PTPRD: variants seen among roughly 807,000 people sequenced by gnomAD.
PTPRD encodes protein tyrosine phosphatase receptor type D, also known as receptor-type tyrosine-protein phosphatase delta.
In PTPRD, 34 loss-of-function variants were observed where a neutral mutation model predicts 214.5. The ratio of observed to expected loss-of-function variants is 0.16; its 90% CI spans 0.12 to 0.21. PTPRD has a LOEUF of 0.21. PTPRD is among the 10% of genes least tolerant of loss of function. The pLI, the probability that PTPRD is intolerant of heterozygous loss-of-function variation, is 1.00. For synonymous variants in PTPRD, 1,128 were observed against 845.7 expected (o/e 1.33, Z -5.79); for missense variants, 2,545 against 2,398.7 (o/e 1.06, Z -1.27).
At chr9:9,821,636 A>T (rs182783313) in intron 5 of PTPRD, among the ~76,000 whole-genome samples, 3 of 152,068 alleles carry the variant, frequency 2.0e-5, no homozygotes, top group Non-Finnish European at 2.9e-5. Flanking sequence ...AAAAATACTG[A>T]TATTGTTGCC....
At chr9:8,684,333 C>G (rs182386973) in intron 12 of PTPRD, among the ~76,000 whole-genome samples, 3 of 152,328 alleles carry the variant, frequency 2.0e-5, no homozygotes, top group Admixed American at 6.5e-5. Context: ...TAAGCCATCT[C>G]TATTTTACAA....
intron 5 of PTPRD, among the ~76,000 whole-genome samples, chr9:9,767,120 T>A (rs2098713258): frequency 6.6e-6 from 1 of 151,632 alleles, no homozygotes; most frequent in East Asian, 1.9e-4. Flanking sequence ...AAATAAACTT[T>A]CCAGGAAAAA....
chr9:9,858,064 T>C (rs2153684163), intron 5 of PTPRD, among the ~76,000 whole-genome samples: 1 of 152,322 alleles, frequency 6.6e-6, no homozygotes, highest in Non-Finnish European at 1.5e-5. Flanking sequence ...TTGATACTCT[T>C]TTCCTTTAAC....
intron 9 of PTPRD, among the ~76,000 whole-genome samples, chr9:9,199,116 C>T (rs984018457): frequency 6.6e-6 from 1 of 152,040 alleles, no homozygotes; most frequent in Non-Finnish European, 1.5e-5. Context: ...ATGATGAGTG[C>T]ACAAGGAGAC....
chr9:8,341,269 CTGT>C lies in PTPRD; in HGVS notation c.4948-4_4948-2del. 1.3e-6 allele frequency: 2 copies of C among 1,570,118 alleles called. No homozygotes were observed. The highest frequency in any genetic ancestry group is 1.7e-6 in the Non-Finnish European group (2 of 1,163,850). Reference sequence around the variant, plus strand: ...TGTGAGCTTTTGAGCTGGCTAGACGCTGTTGAATAGGAAAAAAAAAAAAGGAAA... The same window carrying C: ...TGTGAGCTTTTGAGCTGGCTAGACGCTGAATAGGAAAAAAAAAAAAGGAAA... On this transcript the variant is annotated splice_acceptor_variant and splice_polypyrimidine_tract_variant and intron_variant, in intron 40 of 45. Coordinates refer to ENST00000381196, the MANE Select transcript of PTPRD (RefSeq NM_002839.4). LOFTEE classifies it high-confidence loss of function.
chr9:10,305,263 G>T (rs889500946), intron 3 of PTPRD, among the ~76,000 whole-genome samples: 98 of 151,546 alleles, frequency 6.5e-4, no homozygotes, highest in Non-Finnish European at 2.8e-4. Flanking sequence ...AACTCAAGAT[G>T]GATTAAAGAC....
intron 5 of PTPRD, among the ~76,000 whole-genome samples, chr9:9,875,300 C>T (rs796589748): frequency 6.6e-5 from 10 of 151,998 alleles, no homozygotes; most frequent in African/African-American, 2.4e-4. Flanking sequence ...ACTGATATTG[C>T]TAAATTACTG....
At chr9:9,425,253 C>CAAATATG (rs1384886472) in intron 8 of PTPRD, among the ~76,000 whole-genome samples, 1 of 151,770 alleles carries the variant, frequency 6.6e-6, no homozygotes, top group Non-Finnish European at 1.5e-5. Context: ...AGAGACATAC[C>CAAATATG]AAATATGCTG....
At chr9:10,544,521 G>A (rs550181684) in intron 2 of PTPRD, among the ~76,000 whole-genome samples, 1 of 152,110 alleles carries the variant, frequency 6.6e-6, no homozygotes, top group African/African-American at 2.4e-5. Flanking sequence ...ATGGGATAAA[G>A]CAATTTTTCT....
intron 5 of PTPRD, among the ~76,000 whole-genome samples, chr9:9,909,772 T>C (rs1044926146): frequency 3.6e-5 from 5 of 140,336 alleles, no homozygotes; most frequent in South Asian, 2.2e-4. Flanking sequence ...CATTTGTGGA[T>C]TGAATGTTTT....
intron 12 of PTPRD, among the ~76,000 whole-genome samples, chr9:8,724,887 G>C (rs146187728): frequency 2.6e-5 from 4 of 152,118 alleles, no homozygotes; most frequent in Non-Finnish European, 5.9e-5. Context: ...GCAGTGAGCC[G>C]AGATCGCGTC....
At chr9:9,293,713 G>A (rs1014604152) in intron 9 of PTPRD, among the ~76,000 whole-genome samples, 1 of 151,528 alleles carries the variant, frequency 6.6e-6, no homozygotes, top group South Asian at 2.1e-4. Flanking sequence ...GAACTCGACT[G>A]CTGGCAATCA....
At chr9:9,442,748 C>G (rs1426584054) in intron 8 of PTPRD, among the ~76,000 whole-genome samples, 1 of 152,042 alleles carries the variant, frequency 6.6e-6, no homozygotes, top group Non-Finnish European at 1.5e-5. Context: ...ATCAAAAAAC[C>G]AGATCTCTGG....
intron 4 of PTPRD, among the ~76,000 whole-genome samples, chr9:9,940,180 G>A (rs1156670027): frequency 6.6e-6 from 1 of 152,144 alleles, no homozygotes; most frequent in African/African-American, 2.4e-5. Flanking sequence ...CTAAGAGTCA[G>A]ATATATAGTG....
intron 7 of PTPRD, among the ~76,000 whole-genome samples, chr9:9,599,647 C>T (rs655125): frequency 0.25 from 37,528 of 147,334 alleles, 5,882 homozygotes; most frequent in Non-Finnish European, 0.35. Flanking sequence ...TCTACTATAC[C>T]ATTTTTTCTC....
At chr9:9,714,075 G>A (rs1040732925) in intron 7 of PTPRD, among the ~76,000 whole-genome samples, 20 of 126,552 alleles carry the variant, frequency 1.6e-4, no homozygotes, top group Non-Finnish European at 2.5e-4. Context: ...TTTACAAGAT[G>A]TTGTTCACTT....
At chr9:10,386,059 C>A (rs1328747420) in intron 2 of PTPRD, among the ~76,000 whole-genome samples, 2 of 151,544 alleles carry the variant, frequency 1.3e-5, no homozygotes, top group Non-Finnish European at 2.9e-5. Flanking sequence ...ATTTTTCGAA[C>A]TGTTTTTAAA....
intron 14 of PTPRD, among the ~76,000 whole-genome samples, chr9:8,589,142 G>A (rs963976024): frequency 5.9e-5 from 9 of 152,122 alleles, no homozygotes; most frequent in African/African-American, 2.2e-4. Flanking sequence ...ATGTTGCAAA[G>A]AAAGTATTCT....
intron 12 of PTPRD, among the ~76,000 whole-genome samples, chr9:8,684,813 A>G (rs1275436609): frequency 6.6e-6 from 1 of 152,126 alleles, no homozygotes; most frequent in East Asian, 1.9e-4. Flanking sequence ...TTATAATTAT[A>G]TTCATTTACT....
Sources: allele counts gnomAD v4.1 joint callset (sites outside exome capture counted in the v4.1 genomes callset), GRCh38; gene constraint gnomAD v4.1.1; transcripts MANE v1.5; gene names NCBI Gene and HGNC (gene_info 2026-07-23, HGNC 2026-07-21).